The following BNIPL variants were observed in gnomAD, a reference collection of about 807,000 sequenced individuals.
BNIPL encodes bcl-2/adenovirus E1B 19 kDa-interacting protein 2-like protein.
A neutral mutation model predicts 47.0 loss-of-function variants in BNIPL; 33 were observed. The ratio of observed to expected loss-of-function variants is 0.70; its 90% CI spans 0.53 to 0.94. The LOEUF (loss-of-function observed/expected upper bound fraction) is 0.94, where lower values mean the gene tolerates loss of function less well. Among genes scored for constraint, BNIPL ranks in the 40% least tolerant of loss-of-function variants. The probability of loss-of-function intolerance (pLI) is 0.00; values close to 1 mark genes in which losing one functional copy is unlikely to be tolerated. For missense variants in BNIPL, 404 were observed against 445.2 expected (o/e 0.91, Z 0.83); for synonymous variants, 145 against 162.7 (o/e 0.89, Z 0.83).
At chr1:151,038,290 C>G (rs372999316) in intron 2 of BNIPL, 2 of 579,030 alleles carry the variant, frequency 3.5e-6, no homozygotes, top group East Asian at 5.8e-5. Context: ...GGGAGGACCG[C>G]TTGAACCCTG....
chr1:151,043,311 T>G, intron 5 of BNIPL, 21 bp from the exon 6 acceptor site: 1 of 1,563,016 alleles, frequency 6.4e-7, no homozygotes, highest in Non-Finnish European at 8.8e-7. Flanking sequence ...ACCAAATGAA[T>G]TTTCCCCTTA....
At chr1:151,042,202 C>T (rs1675847677) in intron 4 of BNIPL, among the ~76,000 whole-genome samples, 1 of 151,894 alleles carries the variant, frequency 6.6e-6, no homozygotes, top group South Asian at 2.1e-4. Context: ...CCCACCTTGG[C>T]CTCCCAAAGC....
intron 1 of BNIPL, 90 bp downstream of exon 1, chr1:151,036,856 C>T (rs1675616940): frequency 7.6e-7 from 1 of 1,318,780 alleles, no homozygotes; most frequent in Admixed American, 1.7e-5. Flanking sequence ...TGGGTCAAAT[C>T]TCGGGTTCCT....
At chr1:151,039,405 G>A (rs1016781272) in intron 4 of BNIPL, among the ~76,000 whole-genome samples, 4 of 152,140 alleles carry the variant, frequency 2.6e-5, no homozygotes, top group African/African-American at 9.7e-5. Context: ...AGTGTAGACA[G>A]GGAGAAGGAA....
At chr1:151,042,823 G>GAAAA in intron 4 of BNIPL, 133 bp from the exon 5 acceptor site, 1 of 569,220 alleles carries the variant, frequency 1.8e-6, no homozygotes, top group East Asian at 4.2e-5. Context: ...CAAAAAAAAG[G>GAAAA]AAAAAAAAAA....
At chr1:151,036,955 C>G (rs1008209039) in intron 1 of BNIPL, among the ~76,000 whole-genome samples, 189 bp downstream of exon 1, 1 of 152,074 alleles carries the variant, frequency 6.6e-6, no homozygotes, top group Non-Finnish European at 1.5e-5. Flanking sequence ...AACTGGGGAA[C>G]AGGATTCCAG....
chr1:151,044,963 G>A, intron 7 of BNIPL: 2 of 1,285,382 alleles, frequency 1.6e-6, no homozygotes, highest in Non-Finnish European at 2.0e-6. Context: ...AGATGGAAAT[G>A]GAGCAGAAAA....
At position 151,047,684 on chromosome 1, in the gene BNIPL, CCCCGCGCGG is replaced by C. The variant is rs1166091613; in HGVS notation, c.*1006_*1014del. Reference sequence around the variant, plus strand: ...TTGCCGCAGAGGTTCCTTAGGAGCACCCCGCGCGGCCCGCGCGAGCGCGCCTGCGCGTCG... The same window carrying C: ...TTGCCGCAGAGGTTCCTTAGGAGCACCCCGCGCGAGCGCGCCTGCGCGTCG... On this transcript the variant is annotated 3_prime_UTR_variant, in exon 10 of 10. Transcript: ENST00000368931. 1.2e-5 allele frequency: 15 copies of C among 1,227,514 alleles called. No homozygotes were observed. Among genetic ancestry groups the C allele is most frequent in the East Asian group, 1.1e-4 (4 of 36,700 alleles). 76.0% of individuals were successfully genotyped at this position (1,227,514 alleles called of 1,614,324 possible).
At chr1:151,045,690 A>G in intron 7 of BNIPL, 107 bp from the exon 8 acceptor site, 1 of 1,558,824 alleles carries the variant, frequency 6.4e-7, no homozygotes, top group Non-Finnish European at 8.7e-7. Context: ...ATAAATCTAG[A>G]AACTAGAGAA....
At chr1:151,042,343 C>T (rs1250110383) in intron 4 of BNIPL, among the ~76,000 whole-genome samples, 1 of 152,076 alleles carries the variant, frequency 6.6e-6, no homozygotes, top group Non-Finnish European at 1.5e-5. Flanking sequence ...TCTCAAACTC[C>T]TGGCTTCAAG....
rs1036679806 is a variant in BNIPL at position 151,040,735 on chromosome 1, C to T, written c.433+1709C>T. Among the ~76,000 whole-genome samples the T allele has an allele frequency of 1.1e-4, 16 of 146,096 alleles. 1 individual carries two copies. In the South Asian group the frequency reaches 1.5e-3, roughly 14 times the overall value. On this transcript the variant is annotated intron_variant, in intron 4 of 9. Transcript: ENST00000368931. ...GCTTGAACCGGTGAGGTGGAGGTTG[C>T]GGTGAGCCGAGATTGCGTCACTGCA...
chr1:151,040,534 G>A (rs1224154199), intron 4 of BNIPL, among the ~76,000 whole-genome samples: 2 of 151,376 alleles, frequency 1.3e-5, no homozygotes, highest in Non-Finnish European at 2.9e-5. Flanking sequence ...GGTGGCTCAC[G>A]CCTGTAATCC....
Position 151,043,334 on chromosome 1 carries a change from T to C in BNIPL, c.619T>C (p.Tyr207His). ...AATTTTCCCCTTACACTCTCCAGGT[T>C]ACCACGGTGATGGCCTCAATGCTGT... Reference protein sequence around the residue: ...PYKKVLSHGGYHGDGLNAVIL... With the variant: ...PYKKVLSHGGHHGDGLNAVIL... Residue 207 changes from tyrosine (Y) to histidine (H), a missense_variant and splice_region_variant, in exon 6 of 10, where the codon TAC (tyrosine) becomes CAC (histidine). Physicochemically the swap from Tyr to His is moderately conservative, Grantham distance 83 (BLOSUM62 2). Coordinates refer to ENST00000368931, the MANE Select transcript of BNIPL (RefSeq NM_138278.4). The C allele has an allele frequency of 2.5e-6, 4 of 1,602,156 alleles. No individual in the cohort carries two copies. The highest frequency in any genetic ancestry group is 3.4e-6 in the Non-Finnish European group (4 of 1,169,092).
At chr1:151,046,008 G>A in intron 8 of BNIPL, 59 bp from the exon 9 acceptor site, 3 of 1,612,060 alleles carry the variant, frequency 1.9e-6, no homozygotes, top group Non-Finnish European at 2.5e-6. Flanking sequence ...TTCTTTGCAA[G>A]GATTTTTGGG....
intron 8 of BNIPL, 87 bp downstream of exon 8, chr1:151,045,970 T>A (rs1571844827): frequency 6.2e-7 from 1 of 1,613,096 alleles, no homozygotes; most frequent in East Asian, 2.2e-5. Flanking sequence ...TGATTCTTTC[T>A]AGCCTTAACC....
At chr1:151,042,682 T>G (rs1675866922) in intron 4 of BNIPL, among the ~76,000 whole-genome samples, 1 of 151,906 alleles carries the variant, frequency 6.6e-6, no homozygotes, top group Non-Finnish European at 1.5e-5. Flanking sequence ...GGCATGGTGG[T>G]GCATGCCTGT....
chr1:151,045,002 C>T (rs1483977794), intron 7 of BNIPL: 14 of 1,246,246 alleles, frequency 1.1e-5, no homozygotes, highest in South Asian at 1.0e-4. Context: ...CGGTGGCTCA[C>T]GTCTGTAATC....
chr1:151,037,382 T>G (rs1675649109), intron 1 of BNIPL, 185 bp from the exon 2 acceptor site: 3 of 1,334,258 alleles, frequency 2.2e-6, no homozygotes, highest in African/African-American at 1.5e-5. Context: ...CTCCCAAACT[T>G]AACAGCAGGT....
intron 4 of BNIPL, among the ~76,000 whole-genome samples, chr1:151,039,887 A>G (rs779843319): frequency 1.1e-4 from 16 of 152,236 alleles, no homozygotes; most frequent in Non-Finnish European, 1.9e-4. Flanking sequence ...AGTAGCTGAG[A>G]TTACAGATGT....
Sources: gnomAD v4.1 joint callset for allele counts (sites outside exome capture counted in the v4.1 genomes callset) on GRCh38, gnomAD v4.1.1 for gene constraint, MANE v1.5 for transcripts, NCBI Gene and HGNC (gene_info 2026-07-23, HGNC 2026-07-21) for gene names.